FRMD4A: variants seen among roughly 807,000 people sequenced by gnomAD.
FRMD4A encodes the protein FERM domain containing 4A, also known as FERM domain-containing protein 4A.
In FRMD4A, 29 loss-of-function variants were observed where a neutral mutation model predicts 129.1. The ratio of observed to expected loss-of-function variants is 0.22; its 90% CI spans 0.17 to 0.31. The LOEUF (loss-of-function observed/expected upper bound fraction) is 0.31, where lower values mean the gene tolerates loss of function less well. FRMD4A is among the 10% of genes least tolerant of loss of function. The probability of loss-of-function intolerance (pLI) is 1.00; values close to 1 mark genes in which losing one functional copy is unlikely to be tolerated. For synonymous variants in FRMD4A, 634 were observed against 571.6 expected, an observed-to-expected ratio of 1.11 and a Z score of -1.56; for missense variants, 1,272 against 1,375.8, an observed-to-expected ratio of 0.92 and a Z score of 1.19.
chr10:13,881,501 A>G (rs966853306), intron 2 of FRMD4A, among the ~76,000 whole-genome samples: 3 of 152,152 alleles, frequency 2.0e-5, no homozygotes, highest in African/African-American at 7.2e-5. Context: ...GCAGAGAGAG[A>G]AAGCAGAGCT....
At chr10:14,093,822 A>G (rs149715483) in intron 2 of FRMD4A, among the ~76,000 whole-genome samples, 30 of 152,386 alleles carry the variant, frequency 2.0e-4, no homozygotes, top group Non-Finnish European at 3.7e-4. Context: ...ACCCACAATT[A>G]GATATCCTAG....
intron 5 of FRMD4A, among the ~76,000 whole-genome samples, chr10:13,786,070 C>G (rs1202474119): frequency 6.6e-6 from 1 of 152,166 alleles, no homozygotes; most frequent in Non-Finnish European, 1.5e-5. Context: ...TGAATAGTGC[C>G]ACAATAAACA....
At chr10:14,235,625 A>G (rs1843785917) in intron 2 of FRMD4A, among the ~76,000 whole-genome samples, 1 of 152,208 alleles carries the variant, frequency 6.6e-6, no homozygotes, top group Non-Finnish European at 1.5e-5. Flanking sequence ...ACACGGGTAT[A>G]ACAGAATCCA....
chr10:13,871,475 C>T (rs2094438589), intron 2 of FRMD4A, among the ~76,000 whole-genome samples: 1 of 152,152 alleles, frequency 6.6e-6, no homozygotes, highest in Non-Finnish European at 1.5e-5. Context: ...AACCAGCTAC[C>T]CCACTGGACA....
chr10:13,897,687 A>G (rs1446940074), intron 2 of FRMD4A, among the ~76,000 whole-genome samples: 1 of 152,186 alleles, frequency 6.6e-6, no homozygotes, highest in Non-Finnish European at 1.5e-5. Context: ...CTGTAATCCC[A>G]GCACTTTGGG....
intron 2 of FRMD4A, among the ~76,000 whole-genome samples, chr10:14,124,925 A>C (rs1838749673): frequency 6.6e-6 from 1 of 152,176 alleles, no homozygotes; most frequent in Non-Finnish European, 1.5e-5. Context: ...CCCATGAGCA[A>C]CTACATATGG....
At chr10:14,179,422 T>A (rs1334979194) in intron 2 of FRMD4A, among the ~76,000 whole-genome samples, 1 of 152,198 alleles carries the variant, frequency 6.6e-6, no homozygotes, top group African/African-American at 2.4e-5. Context: ...CTGGATCAGT[T>A]CCAGATATCT....
chr10:13,752,162 C>T (rs2091658444), intron 8 of FRMD4A, among the ~76,000 whole-genome samples: 1 of 152,166 alleles, frequency 6.6e-6, no homozygotes, highest in Admixed American at 6.5e-5. Flanking sequence ...ATTAACGTTG[C>T]CAGGATAAAA....
chr10:13,681,224 A>T (rs1413869193), intron 15 of FRMD4A, among the ~76,000 whole-genome samples: 1 of 152,068 alleles, frequency 6.6e-6, no homozygotes, highest in East Asian at 1.9e-4. Flanking sequence ...CTCTCATTTC[A>T]GTTACTGCTA....
At chr10:13,675,905 A>T (rs1244371203) in intron 15 of FRMD4A, 1 of 152,122 alleles carries the variant, frequency 6.6e-6, no homozygotes, top group East Asian at 1.9e-4. Context: ...AAAAAATAAA[A>T]TTAGAATGCT....
chr10:14,017,046 A>T (rs2095701510), intron 2 of FRMD4A, among the ~76,000 whole-genome samples: 1 of 152,232 alleles, frequency 6.6e-6, no homozygotes, highest in Non-Finnish European at 1.5e-5. Flanking sequence ...TGTCCCCAAA[A>T]GAACTCCACT....
intron 2 of FRMD4A, among the ~76,000 whole-genome samples, chr10:14,228,182 A>G (rs1843512540): frequency 6.6e-6 from 1 of 152,156 alleles, no homozygotes; most frequent in South Asian, 2.1e-4. Flanking sequence ...TAGAAGTTTT[A>G]ATCAAATCAT....
At chr10:14,112,870 G>C (rs1413372232) in intron 2 of FRMD4A, among the ~76,000 whole-genome samples, 2 of 152,140 alleles carry the variant, frequency 1.3e-5, no homozygotes, top group African/African-American at 4.8e-5. Context: ...AGGAAACTAT[G>C]CTTCCAACTC....
chr10:13,783,360 T>C (rs1348277524), intron 5 of FRMD4A, among the ~76,000 whole-genome samples: 2 of 152,186 alleles, frequency 1.3e-5, no homozygotes, highest in Non-Finnish European at 2.9e-5. Flanking sequence ...TTGTCCTAAA[T>C]TGTCATTGAG....
At chr10:13,691,482 C>T (rs552308171) in intron 15 of FRMD4A, among the ~76,000 whole-genome samples, 247 of 152,204 alleles carry the variant, frequency 1.6e-3, no homozygotes, top group Non-Finnish European at 2.7e-3. Flanking sequence ...GTTCTATGAG[C>T]CTGGGCAACA....
intron 12 of FRMD4A, among the ~76,000 whole-genome samples, chr10:13,727,224 T>C (rs142262084): frequency 5.9e-5 from 9 of 152,262 alleles, no homozygotes; most frequent in African/African-American, 2.2e-4. Context: ...TCTAACACAT[T>C]TCCATGTGAT....
chr10:13,826,069 T>C (rs2093696357), intron 3 of FRMD4A, among the ~76,000 whole-genome samples: 1 of 152,174 alleles, frequency 6.6e-6, no homozygotes, highest in South Asian at 2.1e-4. Flanking sequence ...ACTTTGAACA[T>C]TGCAACAATA....
At chr10:13,690,701 G>A (rs2085600973) in intron 15 of FRMD4A, among the ~76,000 whole-genome samples, 1 of 152,338 alleles carries the variant, frequency 6.6e-6, no homozygotes, top group South Asian at 2.1e-4. Flanking sequence ...AGAAAGGGCT[G>A]AGGGCACTGA....
intron 2 of FRMD4A, among the ~76,000 whole-genome samples, chr10:14,101,286 T>A (rs1311211182): frequency 6.6e-6 from 1 of 152,218 alleles, no homozygotes; most frequent in Non-Finnish European, 1.5e-5. Flanking sequence ...TGATCCTTCC[T>A]GCGGGCAATG....
Sources: allele counts gnomAD v4.1 joint callset (sites outside exome capture counted in the v4.1 genomes callset), GRCh38; gene constraint gnomAD v4.1.1; transcripts MANE v1.5; gene names NCBI Gene and HGNC (gene_info 2026-07-23, HGNC 2026-07-21).